ADGRV1: variants seen among roughly 807,000 people sequenced by gnomAD.
ADGRV1 encodes adhesion G protein-coupled receptor V1.
A neutral mutation model predicts 596.2 loss-of-function variants in ADGRV1; 359 were observed. That is an observed-to-expected ratio of 0.60 (90% CI 0.55 to 0.66). The LOEUF (loss-of-function observed/expected upper bound fraction) is 0.66. Among genes scored for constraint, ADGRV1 ranks in the 30% least tolerant of loss-of-function variants. The pLI is 0.00. For synonymous variants in ADGRV1, 2,681 were observed against 2,679.2 expected (o/e 1.00, Z -0.02); for missense variants, 7,274 against 7,575.6 (o/e 0.96, Z 1.48).
Position 90,624,688 on chromosome 5 carries a change from A to G in ADGRV1, c.559-442A>G, listed in dbSNP as rs561755120. On this transcript the variant is annotated intron_variant, in intron 5 of 89. Coordinates refer to ENST00000405460, the MANE Select transcript of ADGRV1 (RefSeq NM_032119.4). ...GGGGAATTTGCTGTGTTCACTGCTA[A>G]ATCTTTAGTACCTAAAAGAGATGCA... is the stretch of plus-strand genomic sequence containing the variant. Among the ~76,000 whole-genome samples, 308 of 152,272 alleles carry G rather than the reference A, an allele frequency of 2.0e-3. 2 individuals carry two copies. Among genetic ancestry groups the G allele is most frequent in the African/African-American group, 7.2e-3 (299 of 41,554 alleles).
intron 83 of ADGRV1, among the ~76,000 whole-genome samples, chr5:90,866,952 G>A (rs1768183306): frequency 6.6e-6 from 1 of 151,962 alleles, no homozygotes; most frequent in African/African-American, 2.4e-5. Flanking sequence ...GAAATTGTGG[G>A]GCTCTTCAAG....
At chr5:90,890,201 T>C (rs1201692190) in intron 83 of ADGRV1, among the ~76,000 whole-genome samples, 1 of 152,206 alleles carries the variant, frequency 6.6e-6, no homozygotes, top group African/African-American at 2.4e-5. Flanking sequence ...GTGAATCTTT[T>C]TGCAACTCAC....
intron 82 of ADGRV1, among the ~76,000 whole-genome samples, chr5:90,858,689 C>G (rs1185320083): frequency 6.6e-6 from 1 of 152,154 alleles, no homozygotes; most frequent in Non-Finnish European, 1.5e-5. Context: ...CTACAAGTAA[C>G]AGATGATGAC....
At chr5:90,697,228 T>G (rs10942604) in intron 34 of ADGRV1, 82 bp downstream of exon 34, 1 of 1,224,060 alleles carries the variant, frequency 8.2e-7, no homozygotes, top group African/African-American at 1.5e-5. Context: ...AACTTGATAG[T>G]TTTTCCCTTT....
chr5:90,869,589 T>C (rs1581377978), intron 83 of ADGRV1, among the ~76,000 whole-genome samples: 1 of 152,128 alleles, frequency 6.6e-6, no homozygotes, highest in South Asian at 2.1e-4. Context: ...GCTTAGACAG[T>C]GGTAATGGCA....
At chr5:90,849,605 G>A (rs1438209854) in intron 79 of ADGRV1, among the ~76,000 whole-genome samples, 3 of 152,074 alleles carry the variant, frequency 2.0e-5, no homozygotes, top group African/African-American at 7.2e-5. Flanking sequence ...GCTCAGGCTG[G>A]TCTTGAACTC....
chr5:91,038,629 T>A (rs1418299884), intron 85 of ADGRV1, among the ~76,000 whole-genome samples: 1 of 152,166 alleles, frequency 6.6e-6, no homozygotes, highest in Non-Finnish European at 1.5e-5. Flanking sequence ...GCAGGCAGAG[T>A]GCCTAGAAAG....
intron 58 of ADGRV1, among the ~76,000 whole-genome samples, chr5:90,761,807 C>T (rs535732847): frequency 2.3e-4 from 35 of 152,246 alleles, no homozygotes; most frequent in African/African-American, 7.5e-4. Context: ...ATGTCCATGG[C>T]TATTTTGATT....
rs1561294198 is a variant in ADGRV1, at chr5:90,564,627, T to TA, written c.22+5710_22+5711insA. On this transcript the variant is annotated intron_variant, in intron 1 of 89. Coordinates refer to ENST00000405460, the MANE Select transcript of ADGRV1 (RefSeq NM_032119.4). The stretch of plus-strand genomic sequence containing the variant: ...CATGGCGTTTAATATATATATATAT[T>TA]TTTTTTTTTTTTTTTTTGAGACGGA... 1.1e-3 allele frequency among the ~76,000 whole-genome samples: 61 copies of TA among 53,576 alleles called. 8 individuals carry two copies. Among genetic ancestry groups the TA allele is most frequent in the Admixed American group, 3.1e-3 (23 of 7,364 alleles). 35.1% of individuals were successfully genotyped at this position (53,576 alleles called of 152,430 possible). A position where few individuals can be genotyped will look rare whatever the true frequency, so the allele number is the denominator to read the frequency against.
Position 90,672,724 on chromosome 5 carries a change from T to G in ADGRV1, c.4929+2T>G, listed in dbSNP as rs1416243221. 6.3e-7 allele frequency: 1 copy of G among 1,592,246 alleles called. No individual in the cohort carries two copies. The highest frequency in any genetic ancestry group is 1.2e-5 in the South Asian group (1 of 86,954). On this transcript the variant is annotated splice_donor_variant, in intron 22 of 89. Transcript: ENST00000405460. LOFTEE classifies it high-confidence loss of function. ...TTCCTTCCTTGGCAGAGATCAGAGG[T>G]AAACCCTACCTTTTTTGTTCCTTTG...
chr5:91,035,862 T>TATATATATATATATAATATATATA (rs1784849468), intron 85 of ADGRV1, among the ~76,000 whole-genome samples: 5 of 16,520 alleles, frequency 3.0e-4, no homozygotes, highest in East Asian at 3.6e-3. Context: ...ATATATATAT[T>TATATATATATATATAATATATATA]ATATATATAT....
chr5:90,700,233 TA>T (rs1362359263), intron 34 of ADGRV1, among the ~76,000 whole-genome samples: 4 of 152,210 alleles, frequency 2.6e-5, no homozygotes, highest in South Asian at 4.1e-4. Flanking sequence ...GGGGTGAAAA[TA>T]ATTGTGCCAT....
At chr5:90,732,779 T>C (rs569637861) in intron 50 of ADGRV1, among the ~76,000 whole-genome samples, 8 of 152,240 alleles carry the variant, frequency 5.3e-5, no homozygotes, top group Non-Finnish European at 1.2e-4. Flanking sequence ...ATTTAGCCTC[T>C]GCTAAGTTCT....
intron 85 of ADGRV1, among the ~76,000 whole-genome samples, chr5:91,051,537 ATTTTTTTTTTTT>A (rs1192844206): frequency 2.0e-4 from 21 of 102,484 alleles, no homozygotes; most frequent in African/African-American, 7.8e-4. Flanking sequence ...TTGACTTAGG[ATTTTTTTTTTTT>A]TTTTTTTTTT....
chr5:90,576,906 G>A (rs970617233), intron 1 of ADGRV1, among the ~76,000 whole-genome samples: 2 of 152,158 alleles, frequency 1.3e-5, no homozygotes, highest in Admixed American at 6.6e-5. Context: ...GGCTGCATCA[G>A]TGACTTCTTT....
At chr5:90,771,418 A>G (rs1757680264) in intron 59 of ADGRV1, among the ~76,000 whole-genome samples, 1 of 152,212 alleles carries the variant, frequency 6.6e-6, no homozygotes, top group South Asian at 2.1e-4. Context: ...ATAAGGCTTA[A>G]TCTAAACAAA....
At chr5:90,583,645 A>G (rs1758362369) in intron 1 of ADGRV1, among the ~76,000 whole-genome samples, 1 of 152,166 alleles carries the variant, frequency 6.6e-6, no homozygotes, top group African/African-American at 2.4e-5. Flanking sequence ...GTATCATGAT[A>G]GCCACAAAAA....
chr5:90,938,988 T>C (rs1175068144), intron 83 of ADGRV1, among the ~76,000 whole-genome samples: 1 of 152,222 alleles, frequency 6.6e-6, no homozygotes, highest in Non-Finnish European at 1.5e-5. Context: ...AGTAAATCTA[T>C]GCTGGTGGAA....
At chr5:90,620,251 C>T (rs1174337994) in intron 4 of ADGRV1, among the ~76,000 whole-genome samples, 2 of 152,234 alleles carry the variant, frequency 1.3e-5, no homozygotes, top group African/African-American at 4.8e-5. Context: ...TCCACATCCT[C>T]TCCAGCACCT....
Sources: allele counts gnomAD v4.1 joint callset (sites outside exome capture counted in the v4.1 genomes callset), GRCh38; gene constraint gnomAD v4.1.1; transcripts MANE v1.5; gene names NCBI Gene and HGNC (gene_info 2026-07-23, HGNC 2026-07-21).